Variants in NEB observed in about 807,000 individuals in gnomAD.
NEB encodes nebulin, also known as nemaline myopathy type 2.
A neutral mutation model predicts 952.2 loss-of-function variants in NEB; 512 were observed. The observed-to-expected ratio is 0.54, with a 90% CI of 0.50 to 0.58. The LOEUF (loss-of-function observed/expected upper bound fraction) is 0.58. Among genes scored for constraint, NEB ranks in the 20% least tolerant of loss-of-function variants. The probability of loss-of-function intolerance (pLI) is 0.00; values close to 1 mark genes in which losing one functional copy is unlikely to be tolerated. For synonymous variants in NEB, 2,900 were observed against 3,149.8 expected (o/e 0.92, Z 2.66); for missense variants, 8,428 against 9,231.1 (o/e 0.91, Z 3.56).
chr2:151,575,739 G>A lies in NEB; in HGVS notation c.16969C>T (p.Pro5657Ser), dbSNP rs2096805041. The A allele has an allele frequency of 6.2e-7, 1 of 1,610,978 alleles. No homozygotes were observed. The highest frequency in any genetic ancestry group is 8.5e-7 in the Non-Finnish European group (1 of 1,177,170). Reference sequence around the variant, plus strand: ...TTTGCTCTAGCGAGATTAATTTCTGGAGTATCTGGCATTATGTGTATTGAA... The same window carrying A: ...TTTGCTCTAGCGAGATTAATTTCTGAAGTATCTGGCATTATGTGTATTGAA... ...KTSIHIMPDT[P>S]EINLARANAL... The change falls in exon 107 of 182, where the codon CCA becomes TCA. Residue 5657 changes from proline to serine, a missense_variant. Pro to Ser is a moderately conservative substitution (Grantham distance 74). This residue lies in a region of NEB where 3,374 missense variants were observed against 3,651.5 expected (regional missense o/e 0.92). Transcript: ENST00000397345.
At chr2:151,512,539 C>T (rs1231242288) in intron 161 of NEB, among the ~76,000 whole-genome samples, 194 bp downstream of exon 161, 3 of 152,108 alleles carry the variant, frequency 2.0e-5, no homozygotes, top group African/African-American at 7.2e-5. Context: ...ATCTCAAACT[C>T]GTGGACTTAA....
chr2:151,578,310 G>T (rs1468628790), intron 105 of NEB, among the ~76,000 whole-genome samples: 1 of 145,666 alleles, frequency 6.9e-6, no homozygotes, highest in Non-Finnish European at 1.6e-5. Context: ...TCTGGAGTGT[G>T]CTGCTAACTT....
In NEB at chr2:151,496,256, T is replaced by A; in HGVS notation, c.24486+20A>T. On this transcript the variant is annotated intron_variant, in intron 173 of 181. Coordinates refer to ENST00000397345, the MANE Select transcript of NEB (RefSeq NM_001164508.2). ...GTTTTTAAAATCAGTAAGTAGTTTT[T>A]TTCTTTTCTCGCCAAGTACCGAGCT... The A allele has an allele frequency of 1.3e-6, 2 of 1,568,850 alleles. No individual in the cohort carries two copies. Among genetic ancestry groups the A allele is most frequent in the South Asian group, 2.3e-5 (2 of 87,320 alleles).
At chr2:151,708,557 T>C (rs979177334) in intron 12 of NEB, among the ~76,000 whole-genome samples, 2 of 152,150 alleles carry the variant, frequency 1.3e-5, no homozygotes, top group African/African-American at 4.8e-5. Flanking sequence ...CCCTAAAGTT[T>C]TCTGTTTACA....
intron 178 of NEB, 59 bp downstream of exon 178, chr2:151,492,039 T>C: frequency 6.5e-7 from 1 of 1,537,434 alleles, no homozygotes; most frequent in Non-Finnish European, 9.0e-7. Flanking sequence ...TAATGCTACT[T>C]TTGTTCTTCT....
At chr2:151,664,049 A>G (rs1195307699) in intron 44 of NEB, among the ~76,000 whole-genome samples, 190 bp from the exon 45 acceptor site, 1 of 151,718 alleles carries the variant, frequency 6.6e-6, no homozygotes, top group East Asian at 1.9e-4. Flanking sequence ...ACTTGAGTCC[A>G]TGGAAAGAAA....
In NEB at chr2:151,687,500, T is replaced by C. The variant is rs2099511838; in HGVS notation, c.2556A>G (p.Lys852=). The C allele has an allele frequency of 1.2e-6, 2 of 1,613,900 alleles. No homozygotes were observed. The highest frequency in any genetic ancestry group is 2.7e-5 in the African/African-American group (2 of 74,934). Residue 852 remains lysine, a synonymous_variant, in exon 27 of 182, where the codon AAA becomes AAG. Transcript: ENST00000397345. ...VMYKKDYEKS[K]GKMIGALSIN... is the part of the protein sequence containing the mutation. ...TGCTGAGGGCTCCAATCATTTTCCCTTTGCTCTTTTCATAGTCTTTCTTGT... is the reference window on the plus strand; with the variant it reads ...TGCTGAGGGCTCCAATCATTTTCCCCTTGCTCTTTTCATAGTCTTTCTTGT...
At chr2:151,536,946 C>G (rs2093307343) in intron 141 of NEB, among the ~76,000 whole-genome samples, 186 bp downstream of exon 141, 1 of 151,998 alleles carries the variant, frequency 6.6e-6, no homozygotes, top group South Asian at 2.1e-4. Context: ...CAAATAAATG[C>G]CTTCAGTCAA....
chr2:151,687,910 A>T (rs2099515545), intron 25 of NEB, among the ~76,000 whole-genome samples, 177 bp from the exon 26 acceptor site: 1 of 152,186 alleles, frequency 6.6e-6, no homozygotes, highest in Admixed American at 6.5e-5. Flanking sequence ...TCTCCCTACC[A>T]CTAAATAAGT....
At chr2:151,719,886 CAAA>C (rs34116466) in intron 9 of NEB, among the ~76,000 whole-genome samples, 2 of 103,606 alleles carry the variant, frequency 1.9e-5, no homozygotes, top group Non-Finnish European at 3.6e-5. Context: ...GACCCTGTCT[CAAA>C]AAAAAAAAAA....
chr2:151,531,214 A>G (rs2090538730), intron 144 of NEB, 113 bp from the exon 145 acceptor site: 4 of 712,962 alleles, frequency 5.6e-6, no homozygotes, highest in Middle Eastern at 7.1e-4. Context: ...AATTCTATGA[A>G]TTTGACAGGT....
intron 147 of NEB, 93 bp from the exon 148 acceptor site, chr2:151,527,115 A>C (rs1162396029): frequency 1.3e-6 from 1 of 784,272 alleles, no homozygotes; most frequent in Non-Finnish European, 2.1e-6. Context: ...CCTCTTAAGG[A>C]GAGGACAAAG....
chr2:151,672,319 A>T (rs1169622643), intron 37 of NEB, 50 bp downstream of exon 37: 9 of 1,475,220 alleles, frequency 6.1e-6, no homozygotes, highest in Non-Finnish European at 8.3e-6. Flanking sequence ...GCGAGAAGTG[A>T]TCATCCTTTA....
rs193176875 is a variant in NEB at position 151,500,184 on chromosome 2, T to C, written c.24022-794A>G. On this transcript the variant is annotated intron_variant, in intron 168 of 181. Transcript: ENST00000397345. ...ACAAAATTGAAGGATTGTTAGTGAA[T>C]AGTAATTAAAAAACAAAACAGAACA... 3.6e-3 allele frequency among the ~76,000 whole-genome samples: 541 copies of C among 152,244 alleles called. 2 individuals carry two copies. The highest frequency in any genetic ancestry group is 6.1e-3 in the Non-Finnish European group (413 of 68,008).
At chr2:151,542,466 C>T (rs1273607976) in intron 135 of NEB, among the ~76,000 whole-genome samples, 1 of 151,916 alleles carries the variant, frequency 6.6e-6, no homozygotes, top group Non-Finnish European at 1.5e-5. Context: ...CTTTATATTG[C>T]CTCTATCTCT....
rs398124173 is a variant in NEB, at chr2:151,642,594, A to G, written c.8353T>C (p.Ser2785Pro). Residue 2785 changes from serine (S) to proline (P), a missense_variant, in exon 60 of 182, where the codon TCC (serine) becomes CCC (proline). By Grantham distance (74) the Ser-to-Pro change is moderately conservative. Around this residue, in one of 11 missense-constraint regions of NEB, gnomAD observed 1,772 missense variants for 1,960.3 expected, o/e 0.90. Coordinates refer to ENST00000397345, the MANE Select transcript of NEB (RefSeq NM_001164508.2). ...DAIPIKAAKA[S>P]RDIASEFKYK... ...CTTACTTCACTTGCAATATCTCTGG[A>G]GGCCTTGGCTGCCTTGATAGGAATG... The G allele has an allele frequency of 6.2e-7, 1 of 1,613,256 alleles. No homozygotes were observed. Among genetic ancestry groups the G allele is most frequent in the South Asian group, 1.1e-5 (1 of 90,960 alleles).
intron 153 of NEB, 110 bp downstream of exon 153, chr2:151,524,201 T>C: frequency 1.1e-6 from 1 of 892,874 alleles, no homozygotes. Flanking sequence ...TTTGCAGTAC[T>C]ATTACAGACC....
Position 151,697,610 on chromosome 2 carries a change from C to T in NEB, c.1191G>A (p.Lys397=). The T allele has an allele frequency of 6.2e-7, 1 of 1,611,954 alleles. No homozygotes were observed. The highest frequency in any genetic ancestry group is 1.1e-5 in the South Asian group (1 of 90,520). ...YKENYEKTKA[K]SINYCETPKF... ...TGGGGGTCTCGCAGTAATTTATGCT[C>T]TTTGCTTTTGTCTTTTCATAGTTTT... The change falls in exon 14 of 182, where the codon AAG becomes AAA. Residue 397 remains lysine, a synonymous_variant. Coordinates refer to ENST00000397345, the MANE Select transcript of NEB (RefSeq NM_001164508.2).
intron 157 of NEB, 147 bp from the exon 158 acceptor site, chr2:151,515,075 A>T: frequency 1.6e-6 from 1 of 620,300 alleles, no homozygotes; most frequent in South Asian, 2.1e-5. Context: ...TGAAACATGT[A>T]TGATTGTACT....
Sources: allele counts gnomAD v4.1 joint callset (sites outside exome capture counted in the v4.1 genomes callset), GRCh38; gene constraint gnomAD v4.1.1; regional missense constraint gnomAD v4.1.1; transcripts MANE v1.5; gene names NCBI Gene and HGNC (gene_info 2026-07-23, HGNC 2026-07-21).